Variants in DNAAF9 observed in about 807,000 individuals in gnomAD.
DNAAF9 encodes shulin.
In DNAAF9, 90 loss-of-function variants were observed where a neutral mutation model predicts 167.0. The ratio of observed to expected loss-of-function variants is 0.54; its 90% confidence interval spans 0.45 to 0.64. DNAAF9 has a LOEUF of 0.64. Among genes scored for constraint, DNAAF9 ranks in the 30% least tolerant of loss-of-function variants. The pLI is 0.00. For missense variants in DNAAF9, 1,315 were observed against 1,442.2 expected (o/e 0.91, Z 1.43); for synonymous variants, 491 against 508.8 (o/e 0.96, Z 0.47).
intron 7 of DNAAF9, among the ~76,000 whole-genome samples, chr20:3,353,800 C>T (rs893445151): frequency 6.6e-6 from 1 of 152,024 alleles, no homozygotes; most frequent in African/African-American, 2.4e-5. Context: ...CAAGCAATAC[C>T]AATTCTCTGC....
chr20:3,295,475 G>C (rs1204367877), intron 23 of DNAAF9: 1 of 263,534 alleles, frequency 3.8e-6, no homozygotes, highest in African/African-American at 3.1e-5. Context: ...CACTGCGCCT[G>C]ACCTTTTTTT....
intron 1 of DNAAF9, among the ~76,000 whole-genome samples, chr20:3,400,621 C>T (rs1246231147): frequency 6.6e-6 from 1 of 152,138 alleles, no homozygotes; most frequent in Non-Finnish European, 1.5e-5. Flanking sequence ...GTTGCAAACC[C>T]TGCTTTGCTT....
chr20:3,257,781 T>TA (rs1486439427), intron 33 of DNAAF9, among the ~76,000 whole-genome samples: 1 of 152,106 alleles, frequency 6.6e-6, no homozygotes, highest in Non-Finnish European at 1.5e-5. Flanking sequence ...CTTGGCTCAC[T>TA]ACAACCTCCA....
rs116438701 is a variant in DNAAF9, at chr20:3,396,641, A to G, written c.83+10834T>C. ...GGCTTCATCAAGAATACCTTTGCATAAAGACCTAAAGGAAGTGAGAGCACA... is the reference window on the plus strand; with the variant it reads ...GGCTTCATCAAGAATACCTTTGCATGAAGACCTAAAGGAAGTGAGAGCACA... On this transcript the variant is annotated intron_variant, in intron 1 of 36. Coordinates refer to ENST00000252032, the MANE Select transcript of DNAAF9 (RefSeq NM_001009984.3). Among the ~76,000 whole-genome samples, 421 of 152,334 alleles carry G rather than the reference A, an allele frequency of 2.8e-3. 1 individual carries two copies. The highest frequency in any genetic ancestry group is 9.5e-3 in the African/African-American group (396 of 41,576).
intron 9 of DNAAF9, among the ~76,000 whole-genome samples, chr20:3,342,629 C>A (rs1439746873): frequency 6.6e-6 from 1 of 152,114 alleles, no homozygotes; most frequent in East Asian, 1.9e-4. Flanking sequence ...TACAGGCAAA[C>A]AAGGCTTTTA....
chr20:3,323,287 T>G, intron 14 of DNAAF9, among the ~76,000 whole-genome samples: 1 of 130,466 alleles, frequency 7.7e-6, no homozygotes, highest in East Asian at 2.2e-4. Context: ...TTTTTTTTTT[T>G]TTTTTTTTTT....
chr20:3,306,917 A>G, intron 20 of DNAAF9: 1 of 985,338 alleles, frequency 1.0e-6, no homozygotes, highest in Non-Finnish European at 1.2e-6. Context: ...CATAGGTGTC[A>G]CGAGGTAGAA....
intron 16 of DNAAF9, among the ~76,000 whole-genome samples, chr20:3,319,092 AAAAAAAAAAAAAG>A (rs1210278159): frequency 1.6e-5 from 2 of 122,034 alleles, no homozygotes; most frequent in African/African-American, 2.7e-5. Context: ...CAAAAAAAAA[AAAAAAAAAAAAAG>A]AAAAAAAAAT....
intron 9 of DNAAF9, 59 bp downstream of exon 9, chr20:3,343,617 T>C (rs1184265142): frequency 3.1e-5 from 43 of 1,402,268 alleles, no homozygotes; most frequent in Non-Finnish European, 3.9e-5. Context: ...AGCCAACCCC[T>C]TTGCCACCTC....
chr20:3,282,644 C>T (rs2068782289), intron 27 of DNAAF9, among the ~76,000 whole-genome samples: 1 of 152,158 alleles, frequency 6.6e-6, no homozygotes, highest in Non-Finnish European at 1.5e-5. Flanking sequence ...ATGATCTGAC[C>T]CCCTATGGAG....
At chr20:3,403,881 T>C (rs1402741097) in intron 1 of DNAAF9, among the ~76,000 whole-genome samples, 2 of 152,160 alleles carry the variant, frequency 1.3e-5, no homozygotes, top group Non-Finnish European at 2.9e-5. Context: ...CTTGAATTCC[T>C]GGACTCAAGG....
At position 3,350,150 on chromosome 20, in the gene DNAAF9, CACACAG is replaced by C. The variant is rs1436317762; in HGVS notation, c.691-1533_691-1528del. 7.4e-3 allele frequency among the ~76,000 whole-genome samples: 780 copies of C among 105,292 alleles called. 3 individuals are homozygous for C. The highest frequency in any genetic ancestry group is 0.017 in the Middle Eastern group (4 of 238). The allele number at this position is 105,292 out of a possible 152,430, so 69.1% of individuals were successfully genotyped here. On this transcript the variant is annotated intron_variant, in intron 7 of 36. Coordinates refer to ENST00000252032, the MANE Select transcript of DNAAF9 (RefSeq NM_001009984.3). ...ACACACAGACACACAGACACACAGA[CACACAG>C]ACACACACACACACACACACACACA...
chr20:3,339,895 A>G (rs1421308562), intron 10 of DNAAF9, among the ~76,000 whole-genome samples: 1 of 152,244 alleles, frequency 6.6e-6, no homozygotes, highest in Non-Finnish European at 1.5e-5. Context: ...GTCTCAAAAA[A>G]TAAACAAACA....
chr20:3,304,551 GA>G lies in DNAAF9; in HGVS notation c.1679-9del. The G allele has an allele frequency of 7.6e-7, 1 of 1,313,456 alleles. No individual in the cohort carries two copies. The highest frequency in any genetic ancestry group is 1.1e-6 in the Non-Finnish European group (1 of 906,484). 81.4% of individuals were successfully genotyped at this position (1,313,456 alleles called of 1,614,324 possible). On this transcript the variant is annotated splice_polypyrimidine_tract_variant and intron_variant, in intron 20 of 36. Transcript: ENST00000252032. The stretch of plus-strand genomic sequence containing the variant: ...AGAAGAAATGAACATTCCCTGGAAG[GA>G]AAAGAGAGTTGGTCAGAGCTGGAGG...
At chr20:3,390,339 G>A (rs1209676389) in intron 1 of DNAAF9, among the ~76,000 whole-genome samples, 1 of 151,408 alleles carries the variant, frequency 6.6e-6, no homozygotes, top group African/African-American at 2.4e-5. Context: ...TATCTGGTGG[G>A]TATAGCAAAT....
At chr20:3,391,571 T>C (rs1016001370) in intron 1 of DNAAF9, among the ~76,000 whole-genome samples, 4 of 139,258 alleles carry the variant, frequency 2.9e-5, no homozygotes, top group Non-Finnish European at 6.1e-5. Context: ...GCCAGTCTTT[T>C]TTCCTTCTTT....
At chr20:3,365,595 T>C (rs1359470089) in intron 6 of DNAAF9, among the ~76,000 whole-genome samples, 1 of 152,146 alleles carries the variant, frequency 6.6e-6, no homozygotes, top group Non-Finnish European at 1.5e-5. Context: ...TTTCACCATA[T>C]TGGTCAGGCT....
chr20:3,262,965 CTTTTTTTTTTTTTTTT>C (rs796491974), intron 31 of DNAAF9, among the ~76,000 whole-genome samples: 1 of 81,286 alleles, frequency 1.2e-5, no homozygotes, highest in African/African-American at 4.7e-5. Flanking sequence ...CATAGCAGAT[CTTTTTTTTTTTTTTTT>C]TTTTTTTTTT....
At chr20:3,264,594 G>C in intron 30 of DNAAF9, 70 bp from the exon 31 acceptor site, 1 of 823,240 alleles carries the variant, frequency 1.2e-6, no homozygotes, top group East Asian at 2.5e-5. Flanking sequence ...TTCTTGAGAC[G>C]GAGTCTCGCT....
Sources: allele counts gnomAD v4.1 joint callset (sites outside exome capture counted in the v4.1 genomes callset), GRCh38; gene constraint gnomAD v4.1.1; transcripts MANE v1.5; gene names NCBI Gene and HGNC (gene_info 2026-07-23, HGNC 2026-07-21).